The following SHPK variants were observed in gnomAD, a reference collection of about 807,000 sequenced individuals.
The protein encoded by SHPK is sedoheptulokinase, also known as carbohydrate kinase-like protein.
In SHPK, 51 loss-of-function variants were observed where a neutral mutation model predicts 46.3. That is an observed-to-expected ratio of 1.10 (90% CI 0.88 to 1.39). The LOEUF is 1.39. Among genes scored for constraint, SHPK ranks in the 40% most tolerant of loss-of-function variants. The pLI is 0.00. For synonymous variants in SHPK, 290 were observed against 273.9 expected (o/e 1.06, Z -0.58); for missense variants, 668 against 641.3 (o/e 1.04, Z -0.45).
chr17:3,631,563 C>T (rs1210558125), intron 1 of SHPK, among the ~76,000 whole-genome samples: 1 of 104,980 alleles, frequency 9.5e-6, no homozygotes, highest in Non-Finnish European at 1.7e-5. Context: ...CTCTCTATTG[C>T]TCAGGCTAGA....
intron 1 of SHPK, among the ~76,000 whole-genome samples, chr17:3,633,683 A>G (rs1251679147): frequency 6.6e-6 from 1 of 152,024 alleles, no homozygotes; most frequent in Non-Finnish European, 1.5e-5. Flanking sequence ...GAGGGCAGAA[A>G]AGTTTTCAAG....
chr17:3,623,538 G>A, intron 3 of SHPK, 47 bp from the exon 4 acceptor site: 13 of 1,597,694 alleles, frequency 8.1e-6, no homozygotes, highest in Non-Finnish European at 1.1e-5. Context: ...CATGAACTCG[G>A]AAGCATGTGC....
chr17:3,624,808 C>T (rs547314654), intron 2 of SHPK, among the ~76,000 whole-genome samples: 1 of 152,052 alleles, frequency 6.6e-6, no homozygotes, highest in African/African-American at 2.4e-5. Flanking sequence ...CCCACGCCAC[C>T]ACGCCCAGCT....
chr17:3,619,636 G>T, intron 5 of SHPK: 1 of 360,290 alleles, frequency 2.8e-6, no homozygotes, highest in South Asian at 2.4e-5. Context: ...GGGAGGACAA[G>T]GCAGGAGAAT....
At chr17:3,613,973 C>A (rs1233315978) in intron 6 of SHPK, among the ~76,000 whole-genome samples, 6 of 152,190 alleles carry the variant, frequency 3.9e-5, no homozygotes, top group Non-Finnish European at 5.9e-5. Context: ...CAGCTGGAGG[C>A]CTGGAAGAGA....
At position 3,615,543 on chromosome 17, in the gene SHPK, G is replaced by T. The variant is rs917023906; in HGVS notation, c.824-6C>A. On this transcript the variant is annotated splice_polypyrimidine_tract_variant and splice_region_variant and intron_variant, in intron 5 of 6. Coordinates refer to ENST00000225519, the MANE Select transcript of SHPK (RefSeq NM_013276.4). ...CGAGGTGCTGATGTTGAGAACTGGG[G>T]TCCGAAGAGAGCAGAGCTTAGGCCT... The T allele has an allele frequency of 6.2e-7, 1 of 1,613,882 alleles. No individual in the cohort carries two copies. The highest frequency in any genetic ancestry group is 8.5e-7 in the Non-Finnish European group (1 of 1,179,794).
In SHPK at chr17:3,623,454, T is replaced by A. The variant is rs937871649; in HGVS notation, c.532A>T (p.Ile178Phe). The A allele has an allele frequency of 6.2e-7, 1 of 1,614,156 alleles. No individual in the cohort carries two copies. The highest frequency in any genetic ancestry group is 8.5e-7 in the Non-Finnish European group (1 of 1,179,966). Residue 178 changes from isoleucine (I) to phenylalanine (F), a missense_variant, in exon 4 of 7, where the codon ATC (isoleucine) becomes TTC (phenylalanine). Coordinates refer to ENST00000225519, the MANE Select transcript of SHPK (RefSeq NM_013276.4). ...FLKSYDAAGT[I>F]HDYVVAMLCG... ...AGCATGGCAACCACATAGTCGTGGA[T>A]GGTACCGGCTGCGTCGTAGGACTTC...
intron 5 of SHPK, chr17:3,619,682 G>T (rs12936056): frequency 3.1e-6 from 1 of 327,338 alleles, no homozygotes; most frequent in Non-Finnish European, 5.8e-6. Flanking sequence ...GCAGTGAGCC[G>T]AGATCACACC....
chr17:3,630,372 C>T, intron 1 of SHPK, 26 bp from the exon 2 acceptor site: 1 of 1,587,312 alleles, frequency 6.3e-7, no homozygotes, highest in Middle Eastern at 1.7e-4. Flanking sequence ...AACACATGGG[C>T]AGGGGCAGAC....
rs1284467575 is a variant in SHPK, at chr17:3,610,972, C to A, written c.1025G>T (p.Gly342Val). 8.1e-6 allele frequency: 13 copies of A among 1,600,926 alleles called. No homozygotes were observed. Among genetic ancestry groups the A allele is most frequent in the Non-Finnish European group, 1.1e-5 (13 of 1,171,042 alleles). Residue 342 changes from glycine (G) to valine (V), a missense_variant and splice_region_variant, in exon 7 of 7, where the codon GGC (glycine) becomes GTC (valine). Gly to Val is a moderately radical substitution (Grantham distance 109, BLOSUM62 -3). Coordinates refer to ENST00000225519, the MANE Select transcript of SHPK (RefSeq NM_013276.4). ...HMLVQWMADL[G>V]LEVEESTVYS... is the part of the protein sequence containing the mutation. ...CACAGTGGATTCTTCAACCTCCAGG[C>A]CTGCCAGAGACAGAGAAGATCTGTG...
Position 3,610,389 on chromosome 17 carries a change from A to C in SHPK, c.*171T>G. On this transcript the variant is annotated 3_prime_UTR_variant, in exon 7 of 7. Coordinates refer to ENST00000225519, the MANE Select transcript of SHPK (RefSeq NM_013276.4). ...GATCTGGCTGACGGCTCCTGGCTGC[A>C]TTATTAGAGTATGTTCTGAAGGTAA... 1 of 674,804 alleles carries C rather than the reference A, an allele frequency of 1.5e-6. No individual in the cohort carries two copies. Among genetic ancestry groups the C allele is most frequent in the East Asian group, 2.7e-5 (1 of 36,880 alleles). The allele number at this position is 674,804 out of a possible 1,614,324, so 41.8% of individuals were successfully genotyped here.
At chr17:3,619,931 G>A (rs1209000240) in intron 5 of SHPK, 11 of 203,204 alleles carry the variant, frequency 5.4e-5, no homozygotes, top group African/African-American at 2.4e-5. Context: ...ATCGTCCCAC[G>A]TTCTCACGTT....
intron 6 of SHPK, among the ~76,000 whole-genome samples, chr17:3,612,821 G>A (rs1244868279): frequency 6.6e-6 from 1 of 151,090 alleles, no homozygotes; most frequent in East Asian, 2.0e-4. Flanking sequence ...GCGCGATCTC[G>A]GCTCACTGCA....
chr17:3,615,242 C>T (rs546941167), intron 6 of SHPK, 95 bp downstream of exon 6: 49 of 1,238,788 alleles, frequency 4.0e-5, no homozygotes, highest in African/African-American at 2.8e-4. Flanking sequence ...TCAATGTGGA[C>T]GCTGAAACCG....
intron 6 of SHPK, among the ~76,000 whole-genome samples, chr17:3,613,499 G>C (rs2075353336): frequency 6.6e-6 from 1 of 152,124 alleles, no homozygotes; most frequent in South Asian, 2.1e-4. Context: ...CTCCCGAGTA[G>C]CTGGAATTAC....
chr17:3,631,351 G>C (rs765112840), intron 1 of SHPK, among the ~76,000 whole-genome samples: 2 of 151,614 alleles, frequency 1.3e-5, no homozygotes, highest in Non-Finnish European at 2.9e-5. Flanking sequence ...GGGGTGGGGG[G>C]CAGGAAGAAG....
chr17:3,636,019 T>C, intron 1 of SHPK, 33 bp downstream of exon 1: 1 of 1,511,656 alleles, frequency 6.6e-7, no homozygotes, highest in Non-Finnish European at 8.8e-7. Context: ...AGGAGGCTCC[T>C]GGAGGCGGCG....
chr17:3,610,727 C>A lies in SHPK; in HGVS notation c.1270G>T (p.Val424Leu). 1 of 1,614,132 alleles carries A rather than the reference C, an allele frequency of 6.2e-7. No homozygotes were observed. Residue 424 changes from valine (V) to leucine (L), a missense_variant, in exon 7 of 7, where the codon GTG (valine) becomes TTG (leucine). Transcript: ENST00000225519. ...CTCCCACTGCCCATCACCCTCTCCA[C>A]GCCCCACTCCTGGAGCTGCTGAATC... ...LPIQQLQEWGVERVMGSGSAL... is the reference protein window; with the variant it reads ...LPIQQLQEWGLERVMGSGSAL...
intron 5 of SHPK, 131 bp from the exon 6 acceptor site, chr17:3,615,668 G>A: frequency 1.6e-6 from 1 of 641,852 alleles, no homozygotes; most frequent in East Asian, 2.8e-5. Context: ...GGCAGTGAGA[G>A]GGGGTGGCCT....
Sources: allele counts gnomAD v4.1 joint callset (sites outside exome capture counted in the v4.1 genomes callset), GRCh38; gene constraint gnomAD v4.1.1; transcripts MANE v1.5; gene names NCBI Gene and HGNC (gene_info 2026-07-23, HGNC 2026-07-21).